The following MVB12A variants were observed in gnomAD, a reference collection of about 807,000 sequenced individuals.
MVB12A encodes the protein multivesicular body subunit 12A.
In MVB12A, 30 loss-of-function variants were observed where a neutral mutation model predicts 34.3. The observed-to-expected ratio is 0.88, with a 90% CI of 0.65 to 1.19. The LOEUF is 1.19. MVB12A is among the 50% of genes most tolerant of loss of function. The pLI is 0.00. For synonymous variants in MVB12A, 158 were observed against 158.9 expected (o/e 0.99, Z 0.04); for missense variants, 355 against 369.2 (o/e 0.96, Z 0.31).
At chr19:17,420,286 C>G in intron 1 of MVB12A, 27 bp from the exon 2 acceptor site, 1 of 1,567,434 alleles carries the variant, frequency 6.4e-7, no homozygotes, top group African/African-American at 1.4e-5. Context: ...GGTGGGAGTC[C>G]GGCGCTGACC....
chr19:17,411,999 A>T (rs920374708), intron 2 of MVB12A, among the ~76,000 whole-genome samples: 1 of 152,110 alleles, frequency 6.6e-6, no homozygotes, highest in Non-Finnish European at 1.5e-5. Context: ...TCCAGGGGAC[A>T]TTTTTATTGT....
chr19:17,417,881 G>T, upstream of MVB12A: 2 of 307,568 alleles, frequency 6.5e-6, no homozygotes, highest in Admixed American at 3.5e-5. Flanking sequence ...GGGACCTCTG[G>T]GTTTTTCTTC....
rs1441869329 is a variant in MVB12A at position 17,423,690 on chromosome 19, C to T, written c.534-3C>T. 9 of 1,613,812 alleles carry T rather than the reference C, an allele frequency of 5.6e-6. No individual in the cohort carries two copies. Among genetic ancestry groups the T allele is most frequent in the Non-Finnish European group, 7.6e-6 (9 of 1,179,862 alleles). ...GGCTTAACCTGAGTCATCCCACCTC[C>T]AGTAAGGGCGGCCTCCTGGAGCGGA... On this transcript the variant is annotated splice_polypyrimidine_tract_variant and splice_region_variant and intron_variant, in intron 5 of 8. Transcript: ENST00000317040.
intron 2 of MVB12A, among the ~76,000 whole-genome samples, chr19:17,410,171 CTTTTTT>C (rs1317992898): frequency 2.0e-5 from 3 of 151,924 alleles, no homozygotes; most frequent in African/African-American, 7.2e-5. Context: ...CATTCTTTTT[CTTTTTT>C]TATTTTCTTT....
Position 17,420,157 on chromosome 19 carries a change from G to A in MVB12A, c.22G>A (p.Asp8Asn), listed in dbSNP as rs1053598676. ...CAGGATGGATCCCGTACCCGGGACA[G>A]ACTCGGCGCCGCTGGCTGGCCTGGC... is the stretch of plus-strand genomic sequence containing the variant. MDPVPGT[D>N]SAPLAGLAWS... Residue 8 changes from aspartate (D) to asparagine (N), a missense_variant, in exon 1 of 9, where the codon GAC (aspartate) becomes AAC (asparagine). Transcript: ENST00000317040. The A allele has an allele frequency of 2.9e-6, 4 of 1,389,320 alleles. No homozygotes were observed. In the African/African-American group the frequency reaches 6.1e-5, roughly 21 times the overall value. 86.1% of individuals were successfully genotyped at this position (1,389,320 alleles called of 1,614,324 possible).
chr19:17,420,026 C>CCA, upstream of MVB12A: 1 of 514,014 alleles, frequency 1.9e-6, no homozygotes, highest in Non-Finnish European at 2.9e-6. Context: ...CCCCCCCCCC[C>CCA]CGCATGGCCT....
intron 6 of MVB12A, 78 bp from the exon 7 acceptor site, chr19:17,423,928 G>A: frequency 6.3e-7 from 1 of 1,578,010 alleles, no homozygotes. Flanking sequence ...AAGGAGCCAG[G>A]CTGTGCGGGT....
At chr19:17,410,519 T>TAC (rs1568387364) in intron 2 of MVB12A, among the ~76,000 whole-genome samples, 13 of 64,336 alleles carry the variant, frequency 2.0e-4, no homozygotes, top group Middle Eastern at 7.9e-3. Flanking sequence ...TATATATATA[T>TAC]ATATATATAT....
In MVB12A at chr19:17,420,607, T is replaced by TC; in HGVS notation, c.264dup (p.Val89ArgfsTer33). 1 of 1,613,102 alleles carries TC rather than the reference T, an allele frequency of 6.2e-7. No individual in the cohort carries two copies. Among genetic ancestry groups the TC allele is most frequent in the Non-Finnish European group, 8.5e-7 (1 of 1,179,202 alleles). ...CAAGAGCCCCCTGCCGCTGGGCTTC[T>TC]CCCCCGTCTGCGACCCCATGGATTC... On this transcript the variant is annotated frameshift_variant, in exon 3 of 9. Coordinates refer to ENST00000317040, the MANE Select transcript of MVB12A (RefSeq NM_138401.4). LOFTEE classifies it high-confidence loss of function.
chr19:17,420,021 C>CCCAA (rs780354507), upstream of MVB12A: 1 of 439,726 alleles, frequency 2.3e-6, no homozygotes, highest in African/African-American at 2.3e-5. Flanking sequence ...CTCCGCCCCC[C>CCCAA]CCCCCCGCAT....
intron 7 of MVB12A, 42 bp from the exon 8 acceptor site, chr19:17,424,579 G>C: frequency 6.3e-7 from 1 of 1,599,524 alleles, no homozygotes; most frequent in South Asian, 1.1e-5. Flanking sequence ...GGGGGTTTCA[G>C]GTTGAGATCG....
In MVB12A at chr19:17,425,088, A is replaced by G. The variant is rs1427600755; in HGVS notation, c.*95A>G. On this transcript the variant is annotated 3_prime_UTR_variant, in exon 9 of 9. Coordinates refer to ENST00000317040, the MANE Select transcript of MVB12A (RefSeq NM_138401.4). ...CTGCATCCTGGGGCCACCCCCACTC[A>G]CTGCATCCTGGGAACCTTCGCCCTG... 7.4e-6 allele frequency: 4 copies of G among 542,990 alleles called. No homozygotes were observed. The highest frequency in any genetic ancestry group is 1.2e-5 in the Non-Finnish European group (4 of 323,680). The allele number at this position is 542,990 out of a possible 1,614,324, so 33.6% of individuals were successfully genotyped here. A position where few individuals can be genotyped will look rare whatever the true frequency, so the allele number is the denominator to read the frequency against.
chr19:17,421,037 A>T (rs1358592379), intron 3 of MVB12A: 1 of 466,404 alleles, frequency 2.1e-6, no homozygotes. Context: ...CCTCCGTCAG[A>T]TGTCACCTTC....
upstream of MVB12A, chr19:17,417,213 C>CTTTTTTTTTTTTTTTT (rs35583565): frequency 1.1e-4 from 11 of 96,568 alleles, 1 homozygote; most frequent in African/African-American, 5.1e-4. Flanking sequence ...TCACCCAGAG[C>CTTTTTTTTTTTTTTTT]TTTTTTTTTT....
At chr19:17,411,235 G>T (rs1202389269) in intron 2 of MVB12A, among the ~76,000 whole-genome samples, 3 of 151,936 alleles carry the variant, frequency 2.0e-5, no homozygotes, top group Admixed American at 6.6e-5. Flanking sequence ...CAAAGTTCTG[G>T]GATTACAGGC....
chr19:17,412,073 T>C (rs946758861), intron 2 of MVB12A, among the ~76,000 whole-genome samples: 1 of 152,058 alleles, frequency 6.6e-6, no homozygotes, highest in Non-Finnish European at 1.5e-5. Flanking sequence ...TGCTCAACAC[T>C]ACAGTGTACA....
At chr19:17,418,241 A>C (rs2074813906), upstream of MVB12A, 1 of 183,922 alleles carries the variant, frequency 5.4e-6, no homozygotes, top group African/African-American at 2.4e-5. Flanking sequence ...CAAAAAAACT[A>C]TAAGCAGACA....
upstream of MVB12A, chr19:17,419,046 T>C (rs925465147): frequency 6.6e-6 from 1 of 152,128 alleles, no homozygotes; most frequent in African/African-American, 2.4e-5. Context: ...AGATCATCAA[T>C]ATATAATTAT....
chr19:17,417,116 G>A, upstream of MVB12A: 1 of 319,364 alleles, frequency 3.1e-6, no homozygotes, highest in South Asian at 3.0e-5. Context: ...CTTACAGTCA[G>A]CAACCTCTTC....
Sources: gnomAD v4.1 joint callset for allele counts (sites outside exome capture counted in the v4.1 genomes callset) on GRCh38, gnomAD v4.1.1 for gene constraint, MANE v1.5 for transcripts, NCBI Gene and HGNC (gene_info 2026-07-23, HGNC 2026-07-21) for gene names.